The following XPO4 variants were observed in gnomAD, a reference collection of about 807,000 sequenced individuals.
XPO4 encodes exportin-4.
A neutral mutation model predicts 143.0 loss-of-function variants in XPO4; 39 were observed. The observed-to-expected ratio is 0.27, with a 90% CI of 0.21 to 0.36. The LOEUF (loss-of-function observed/expected upper bound fraction) is 0.36, where lower values mean the gene tolerates loss of function less well. Ranked by LOEUF, XPO4 falls within the 10% of genes least tolerant of loss-of-function variation. XPO4 has a pLI of 1.00. For synonymous variants in XPO4, 439 were observed against 474.0 expected (o/e 0.93, Z 0.96); for missense variants, 907 against 1,348.0 (o/e 0.67, Z 5.12).
chr13:20,853,133 C>T (rs112919228), intron 4 of XPO4: 1 of 703,508 alleles, frequency 1.4e-6, no homozygotes, highest in African/African-American at 1.9e-5. Context: ...GAGTTCGAGA[C>T]CAGCCTAGGC....
At chr13:20,901,316 G>A (rs1294202473) in intron 1 of XPO4, among the ~76,000 whole-genome samples, 1 of 152,206 alleles carries the variant, frequency 6.6e-6, no homozygotes, top group Non-Finnish European at 1.5e-5. Context: ...TTAAGCCAGT[G>A]ACGAAGGACA....
intron 4 of XPO4, among the ~76,000 whole-genome samples, chr13:20,853,236 A>G (rs543958473): frequency 1.3e-5 from 2 of 151,366 alleles, no homozygotes; most frequent in Admixed American, 1.3e-4. Context: ...AGGAGAGACT[A>G]AGGTGGGAAG....
At chr13:20,889,355 G>A (rs1344905234) in intron 1 of XPO4, among the ~76,000 whole-genome samples, 3 of 152,168 alleles carry the variant, frequency 2.0e-5, no homozygotes, top group African/African-American at 7.2e-5. Context: ...TCACGTAAGT[G>A]TCATCTCAGA....
intron 22 of XPO4, among the ~76,000 whole-genome samples, chr13:20,786,663 A>G (rs1362745671): frequency 6.6e-6 from 1 of 152,174 alleles, no homozygotes; most frequent in African/African-American, 2.4e-5. Context: ...CCCATTATGT[A>G]TTCCTCATTC....
intron 8 of XPO4, 119 bp downstream of exon 8, chr13:20,822,013 C>T (rs2059725779): frequency 7.3e-7 from 1 of 1,378,844 alleles, no homozygotes; most frequent in South Asian, 1.6e-5. Flanking sequence ...TTTCAAATTA[C>T]CCATATGACT....
At chr13:20,890,084 G>C (rs1237613673) in intron 1 of XPO4, among the ~76,000 whole-genome samples, 1 of 152,190 alleles carries the variant, frequency 6.6e-6, no homozygotes, top group East Asian at 1.9e-4. Flanking sequence ...TCTAAAATCA[G>C]TATTGCATTT....
In XPO4 at chr13:20,855,693, T is replaced by A. The variant is rs1320167367; in HGVS notation, c.390A>T (p.Lys130Asn). The A allele has an allele frequency of 1.2e-6, 2 of 1,612,582 alleles. No individual in the cohort carries two copies. The highest frequency in any genetic ancestry group is 1.7e-6 in the Non-Finnish European group (2 of 1,179,716). The change falls in exon 4 of 23, where the codon AAA (lysine) becomes AAT (asparagine). Residue 130 changes from lysine to asparagine, a missense_variant. By Grantham distance (94) the Lys-to-Asn change is moderately conservative. Transcript: ENST00000255305. ...GAAAAATGCTTTTGCAGTCAATTGATTTATCTAATGATCCTCTTTTTACAA... is the reference window on the plus strand; with the variant it reads ...GAAAAATGCTTTTGCAGTCAATTGAATTATCTAATGATCCTCTTTTTACAA... ...AVIVKRGSLD[K>N]SIDCKSIFHE...
intron 1 of XPO4, 72 bp downstream of exon 1, chr13:20,902,598 A>G: frequency 6.9e-7 from 1 of 1,447,998 alleles, no homozygotes; most frequent in Non-Finnish European, 9.1e-7. Flanking sequence ...CCCAGCGAGC[A>G]GCAAGGCCTG....
intron 3 of XPO4, among the ~76,000 whole-genome samples, chr13:20,862,071 G>A (rs2060206333): frequency 6.6e-6 from 1 of 152,080 alleles, no homozygotes; most frequent in Non-Finnish European, 1.5e-5. Context: ...ACAGGTGTGA[G>A]TCACCACACC....
In XPO4 at chr13:20,843,933, C is replaced by T. The variant is rs184536838; in HGVS notation, c.457-47G>A. The T allele has an allele frequency of 1.7e-4, 246 of 1,406,360 alleles. 1 individual carries two copies. In the East Asian group the frequency reaches 4.0e-3, roughly 23 times the overall value. The allele number at this position is 1,406,360 out of a possible 1,614,324, so 87.1% of individuals were successfully genotyped here. On this transcript the variant is annotated intron_variant, in intron 4 of 22. Transcript: ENST00000255305. ...TAATTGTGAGGCATTACTGTTTCAA[C>T]GCTTTGTTTCAATGCATTTGTTCAA... is the stretch of plus-strand genomic sequence containing the variant.
chr13:20,836,073 T>A (rs1348766615), intron 6 of XPO4, among the ~76,000 whole-genome samples: 2 of 152,204 alleles, frequency 1.3e-5, no homozygotes, highest in African/African-American at 4.8e-5. Flanking sequence ...CAGGCAACAG[T>A]AAGCTATTAG....
chr13:20,856,194 A>G (rs1460054741), intron 3 of XPO4: 3 of 361,168 alleles, frequency 8.3e-6, no homozygotes, highest in Non-Finnish European at 1.2e-5. Context: ...GTCTGGAGAT[A>G]AATTCTGATC....
rs201940605 is a variant in XPO4, at chr13:20,868,645, T to C, written c.126A>G (p.Leu42=). The stretch of plus-strand genomic sequence containing the variant: ...ATGGTGATTTTGATTTCCTAAATGA[T>C]AAGAATATGTGCTCTGCATGCTGGC... ...EQRQHAEHIF[L]SFRKSKSPFA... The change falls in exon 2 of 23, where the codon TTA becomes TTG. Residue 42 remains leucine, a synonymous_variant. Transcript: ENST00000255305. The C allele has an allele frequency of 6.4e-4, 1,033 of 1,613,166 alleles. 1 individual carries two copies. Among genetic ancestry groups the C allele is most frequent in the Non-Finnish European group, 7.7e-4 (911 of 1,179,544 alleles).
rs1467425591 is a variant in XPO4 at position 20,777,486 on chromosome 13, A to C, written c.*6236T>G. On this transcript the variant is annotated 3_prime_UTR_variant, in exon 23 of 23. Transcript: ENST00000255305. ...CCCTAAGCAGCTTAGTTAGACATTG[A>C]ATCTAGGTCTGCCTCTACCCTGCAG... The C allele has an allele frequency of 6.6e-6, 1 of 152,208 alleles. No homozygotes were observed. Among genetic ancestry groups the C allele is most frequent in the Non-Finnish European group, 1.5e-5 (1 of 68,034 alleles). 9.4% of individuals were successfully genotyped at this position (152,208 alleles called of 1,614,324 possible).
rs906010801 is a variant in XPO4 at position 20,871,788 on chromosome 13, C to T, written c.70-3087G>A. On this transcript the variant is annotated intron_variant, in intron 1 of 22. Transcript: ENST00000255305. ...TTAATCCAAAAGACATCCTCATATC[C>T]ACATATACTTAATCTACTAGAAAGA... Among the ~76,000 whole-genome samples, 17 of 152,188 alleles carry T rather than the reference C, an allele frequency of 1.1e-4. No individual in the cohort carries two copies. The South Asian group carries it at 1.7e-3, about 15-fold the overall frequency.
chr13:20,799,068 A>T, intron 16 of XPO4, 97 bp downstream of exon 16: 1 of 1,129,128 alleles, frequency 8.9e-7, no homozygotes, highest in Non-Finnish European at 1.2e-6. Flanking sequence ...GCTATGACTG[A>T]TACATTTATG....
intron 16 of XPO4, among the ~76,000 whole-genome samples, chr13:20,798,134 C>G (rs1480861780): frequency 6.6e-6 from 1 of 151,874 alleles, no homozygotes; most frequent in Non-Finnish European, 1.5e-5. Flanking sequence ...CAGAGCAAGA[C>G]TCCGTCTCAA....
rs1297303496 is a variant in XPO4, at chr13:20,790,334, A to T, written c.2916+128T>A. 1.1e-5 allele frequency: 8 copies of T among 742,188 alleles called. No homozygotes were observed. The East Asian group carries it at 1.8e-4, about 17-fold the overall frequency. 46.0% of individuals were successfully genotyped at this position (742,188 alleles called of 1,614,324 possible). On this transcript the variant is annotated intron_variant, in intron 19 of 22. Transcript: ENST00000255305. ...CAAGTAACCGTTAATGAAAATACAA[A>T]AATTGTATCTTCATGTGCACTTAGC...
rs1026451956 is a variant in XPO4, at chr13:20,817,035, T to TA, written c.1173+4668_1173+4669insT. Among the ~76,000 whole-genome samples the TA allele has an allele frequency of 3.3e-4, 51 of 152,328 alleles. No homozygotes were observed. The East Asian group carries it at 6.5e-3, about 20-fold the overall frequency. On this transcript the variant is annotated intron_variant, in intron 9 of 22. Transcript: ENST00000255305. ...AGCTTGCTCTCTCCAGTATCATCAG[T>TA]TTATTCTTTTATAGCTACAAGAACC...
Sources: gnomAD v4.1 joint callset for allele counts (sites outside exome capture counted in the v4.1 genomes callset) on GRCh38, gnomAD v4.1.1 for gene constraint, MANE v1.5 for transcripts, NCBI Gene and HGNC (gene_info 2026-07-23, HGNC 2026-07-21) for gene names.